The following SLC12A2 variants were observed in gnomAD, a reference collection of about 807,000 sequenced individuals.
SLC12A2 encodes solute carrier family 12 member 2, also known as Na-K-2Cl cotransporter 1.
In SLC12A2, 67 loss-of-function variants were observed where a neutral mutation model predicts 136.3. That is an observed-to-expected ratio of 0.49 (90% CI 0.40 to 0.60). The LOEUF (loss-of-function observed/expected upper bound fraction) is 0.60, where lower values mean the gene tolerates loss of function less well. Among genes scored for constraint, SLC12A2 ranks in the 20% least tolerant of loss-of-function variants. The pLI is 0.00. For missense variants in SLC12A2, 1,322 were observed against 1,534.7 expected (o/e 0.86, Z 2.32); for synonymous variants, 619 against 562.9 (o/e 1.10, Z -1.41).
At chr5:128,095,407 T>C (rs1349116345) in intron 1 of SLC12A2, among the ~76,000 whole-genome samples, 1 of 152,120 alleles carries the variant, frequency 6.6e-6, no homozygotes, top group Non-Finnish European at 1.5e-5. Flanking sequence ...GCAGAATCTT[T>C]TTGAAACCAG....
chr5:128,109,550 G>A, intron 1 of SLC12A2: 2 of 686,290 alleles, frequency 2.9e-6, no homozygotes, highest in Admixed American at 1.9e-5. Flanking sequence ...GCTGGGTGGA[G>A]AAAGGCAGCT....
chr5:128,086,971 A>G (rs1025352994), intron 1 of SLC12A2, among the ~76,000 whole-genome samples: 5 of 152,202 alleles, frequency 3.3e-5, no homozygotes, highest in African/African-American at 4.8e-5. Flanking sequence ...CATATACTCT[A>G]CTTTGGTCTA....
At chr5:128,099,840 G>A (rs183066428) in intron 1 of SLC12A2, among the ~76,000 whole-genome samples, 124 of 152,188 alleles carry the variant, frequency 8.1e-4, no homozygotes, top group African/African-American at 2.9e-3. Flanking sequence ...AACACGTGGA[G>A]CTGTCATTTC....
At chr5:128,178,545 T>C in intron 21 of SLC12A2, 22 bp from the exon 22 acceptor site, 2 of 1,514,750 alleles carry the variant, frequency 1.3e-6, no homozygotes, top group South Asian at 2.7e-5. Flanking sequence ...GCTTACATTT[T>C]ATATTTTGCT....
chr5:128,175,035 CTG>C (rs1217037528), intron 20 of SLC12A2, among the ~76,000 whole-genome samples: 1 of 152,060 alleles, frequency 6.6e-6, no homozygotes, highest in African/African-American at 2.4e-5. Flanking sequence ...ATCCACAAAT[CTG>C]TGTCATGTTT....
chr5:128,172,454 A>G (rs947701286), intron 19 of SLC12A2, among the ~76,000 whole-genome samples: 6 of 152,192 alleles, frequency 3.9e-5, no homozygotes, highest in Admixed American at 6.5e-5. Context: ...CACCATTGCA[A>G]TAAAGATACA....
At chr5:128,173,632 T>C (rs1196377484) in intron 19 of SLC12A2, among the ~76,000 whole-genome samples, 9 of 152,190 alleles carry the variant, frequency 5.9e-5, no homozygotes, top group African/African-American at 2.2e-4. Context: ...TTTGATGACT[T>C]CCAAGCCTCA....
chr5:128,105,624 GT>G (rs1760904513), intron 1 of SLC12A2, among the ~76,000 whole-genome samples: 1 of 152,174 alleles, frequency 6.6e-6, no homozygotes, highest in African/African-American at 2.4e-5. Context: ...GCAGTAAAAA[GT>G]TAACTCTGGT....
At chr5:128,164,574 CCTTTCT>C (rs112898717) in intron 17 of SLC12A2, among the ~76,000 whole-genome samples, 99 of 152,246 alleles carry the variant, frequency 6.5e-4, no homozygotes, top group African/African-American at 2.3e-3. Flanking sequence ...ATTTCTCTTT[CCTTTCT>C]ACCTTTGGGA....
chr5:128,156,572 C>A (rs1561692583), intron 15 of SLC12A2, among the ~76,000 whole-genome samples: 1 of 152,092 alleles, frequency 6.6e-6, no homozygotes, highest in African/African-American at 2.4e-5. Flanking sequence ...ATAACGGGTT[C>A]TATTAGGGTA....
chr5:128,109,238 G>A (rs1019205539), intron 1 of SLC12A2, among the ~76,000 whole-genome samples: 11 of 152,298 alleles, frequency 7.2e-5, no homozygotes, highest in South Asian at 2.1e-4. Context: ...GAGGAGCAGC[G>A]CAGTTCTTGG....
chr5:128,170,335 C>T (rs766426022), intron 18 of SLC12A2: 11 of 151,996 alleles, frequency 7.2e-5, no homozygotes, highest in Admixed American at 2.0e-4. Flanking sequence ...ATTAACATGC[C>T]TATTAAATTT....
intron 5 of SLC12A2, among the ~76,000 whole-genome samples, chr5:128,133,258 C>T (rs1167882545): frequency 1.3e-5 from 2 of 152,010 alleles, no homozygotes; most frequent in African/African-American, 2.4e-5. Flanking sequence ...AATGACTTTT[C>T]CTACTGTGTT....
intron 15 of SLC12A2, among the ~76,000 whole-genome samples, chr5:128,153,288 C>T (rs1342560384): frequency 6.6e-6 from 1 of 152,214 alleles, no homozygotes; most frequent in East Asian, 1.9e-4. Context: ...GGCACGGTGG[C>T]TCACGCCTGT....
chr5:128,185,037 CCTTATG>C (rs1331491545), intron 26 of SLC12A2, among the ~76,000 whole-genome samples, 181 bp downstream of exon 26: 1 of 151,976 alleles, frequency 6.6e-6, no homozygotes, highest in Non-Finnish European at 1.5e-5. Context: ...AAAACTTTAA[CCTTATG>C]CTTATATGAA....
chr5:128,090,365 G>A (rs776874082), intron 1 of SLC12A2, among the ~76,000 whole-genome samples: 27 of 152,000 alleles, frequency 1.8e-4, no homozygotes, highest in Non-Finnish European at 2.1e-4. Context: ...CCAAAATAGA[G>A]TTTCTTGGTT....
chr5:128,135,590 G>A, intron 6 of SLC12A2, 110 bp from the exon 7 acceptor site: 2 of 724,440 alleles, frequency 2.8e-6, no homozygotes, highest in Non-Finnish European at 4.7e-6. Context: ...GGGGAATCAG[G>A]CAAAACAAGA....
At position 128,151,280 on chromosome 5, in the gene SLC12A2, C is replaced by T. The variant is rs1162205615; in HGVS notation, c.2147C>T (p.Ser716Leu). 2.5e-6 allele frequency: 4 copies of T among 1,609,848 alleles called. No homozygotes were observed. The highest frequency in any genetic ancestry group is 3.4e-6 in the Non-Finnish European group (4 of 1,178,628). Residue 716 changes from serine (S) to leucine (L), a missense_variant, in exon 14 of 27, where the codon TCA becomes TTA. This residue lies in a region of SLC12A2 where 294 missense variants were observed against 436.6 expected (regional missense o/e 0.67). Coordinates refer to ENST00000262461, the MANE Select transcript of SLC12A2 (RefSeq NM_001046.3). The part of the protein sequence containing the change: ...PAFKYYNMWI[S>L]LLGAILCCIV... ...TTCAAATACTACAACATGTGGATAT[C>T]ACTTCTTGGAGCAATTCTTTGTTGC...
In SLC12A2 at chr5:128,171,680, A is replaced by C; in HGVS notation, c.2737A>C (p.Ile913Leu). ...TTTTGTTCTTAGTGATGCTTTTGAC[A>C]TACAATATGGAGTAGTGGTTATTCG... ...YINLFHDAFD[I>L]QYGVVVIRLK... Residue 913 changes from isoleucine (I) to leucine (L), a missense_variant, in exon 19 of 27, where the codon ATA (isoleucine) becomes CTA (leucine). Coordinates refer to ENST00000262461, the MANE Select transcript of SLC12A2 (RefSeq NM_001046.3). 3 of 1,574,608 alleles carry C rather than the reference A, an allele frequency of 1.9e-6. No homozygotes were observed. The highest frequency in any genetic ancestry group is 1.2e-5 in the South Asian group (1 of 82,600).
Sources: gnomAD v4.1 joint callset for allele counts (sites outside exome capture counted in the v4.1 genomes callset) on GRCh38, gnomAD v4.1.1 for gene constraint, gnomAD v4.1.1 regional missense constraint, MANE v1.5 for transcripts, NCBI Gene and HGNC (gene_info 2026-07-23, HGNC 2026-07-21) for gene names.